DHCR24: variants seen among roughly 807,000 people sequenced by gnomAD.
DHCR24 encodes the protein delta(24)-sterol reductase.
Under a neutral mutation model 61.2 loss-of-function variants are expected in DHCR24, and 28 were observed. The observed-to-expected ratio is 0.46, with a 90% CI of 0.34 to 0.63. The LOEUF is 0.63. DHCR24 is among the 20% of genes least tolerant of loss of function. DHCR24 has a pLI of 0.01. For synonymous variants in DHCR24, 261 were observed against 275.9 expected (o/e 0.95, Z 0.54); for missense variants, 538 against 679.1 (o/e 0.79, Z 2.31).
Position 54,853,541 on chromosome 1 carries a change from C to A in DHCR24, c.1290G>T (p.Glu430Asp). Reference protein sequence around the residue: ...QPGLVHPKGNEAELYIDIGAY... With the variant: ...QPGLVHPKGNDAELYIDIGAY... Reference sequence around the variant, plus strand: ...CTCCAATGTCGATGTAGAGCTCTGCCTCATTTCCTTTGGGGTGCACTAGGC... The same window carrying A: ...CTCCAATGTCGATGTAGAGCTCTGCATCATTTCCTTTGGGGTGCACTAGGC... Residue 430 changes from glutamate (E) to aspartate (D), a missense_variant, in exon 8 of 9, where the codon GAG becomes GAT. By Grantham distance (45) the Glu-to-Asp change is conservative. Transcript: ENST00000371269. 1 of 1,614,178 alleles carries A rather than the reference C, an allele frequency of 6.2e-7. No homozygotes were observed. Among genetic ancestry groups the A allele is most frequent in the Non-Finnish European group, 8.5e-7 (1 of 1,180,016 alleles).
At chr1:54,879,352 A>AAAAAAAAAACAAAAAAAAAAAG (rs573285056) in intron 2 of DHCR24, among the ~76,000 whole-genome samples, 1 of 128,162 alleles carries the variant, frequency 7.8e-6, no homozygotes, top group Non-Finnish European at 1.6e-5. Flanking sequence ...AAAAAAAAAA[A>AAAAAAAAAACAAAAAAAAAAAG]TCCAAATCAA....
intron 2 of DHCR24, among the ~76,000 whole-genome samples, chr1:54,879,211 C>T (rs1267059611): frequency 1.3e-5 from 2 of 151,154 alleles, no homozygotes; most frequent in South Asian, 2.1e-4. Context: ...CCCAGCTACT[C>T]GGGAGGCTGT....
intron 5 of DHCR24, among the ~76,000 whole-genome samples, chr1:54,869,649 C>T (rs761805885): frequency 4.6e-5 from 7 of 152,014 alleles, no homozygotes; most frequent in Non-Finnish European, 8.8e-5. Flanking sequence ...CACCTGTAAT[C>T]CCAGTACTTT....
At position 54,883,617 on chromosome 1, in the gene DHCR24, C is replaced by T. The variant is rs1647076502; in HGVS notation, c.387+1G>A. ...AGAGCCCGGAAAAGTGCTACTCTCA[C>T]CTGTTTCTTGGTGTCCACTTCCAGA... On this transcript the variant is annotated splice_donor_variant, in intron 2 of 8. Transcript: ENST00000371269. LOFTEE classifies it high-confidence loss of function. The surrounding 1 kb of genome is among the most constrained non-coding windows in gnomAD (Gnocchi z 4.3). The T allele has an allele frequency of 1.2e-6, 2 of 1,614,084 alleles. No homozygotes were observed. Among genetic ancestry groups the T allele is most frequent in the African/African-American group, 1.3e-5 (1 of 74,920 alleles).
intron 2 of DHCR24, among the ~76,000 whole-genome samples, chr1:54,879,537 C>T (rs1647054183): frequency 6.6e-6 from 1 of 151,936 alleles, no homozygotes; most frequent in Admixed American, 6.6e-5. Context: ...CCTCAATGAC[C>T]TGAGCTGTAG....
intron 1 of DHCR24, 140 bp downstream of exon 1, chr1:54,886,749 C>T (rs933209787): frequency 6.9e-7 from 1 of 1,443,100 alleles, no homozygotes; most frequent in African/African-American, 1.4e-5. Flanking sequence ...CGTTCCAACC[C>T]CTCTCCAACG....
intron 8 of DHCR24, among the ~76,000 whole-genome samples, chr1:54,852,617 T>C (rs980748137): frequency 1.3e-5 from 2 of 151,998 alleles, no homozygotes; most frequent in African/African-American, 4.8e-5. Flanking sequence ...GAGTCAGGAG[T>C]AGAGCTCAGA....
chr1:54,879,948 AAG>A (rs1327154122), intron 2 of DHCR24, among the ~76,000 whole-genome samples: 1 of 152,196 alleles, frequency 6.6e-6, no homozygotes, highest in Admixed American at 6.5e-5. Context: ...AAACTGGAAA[AAG>A]AGTAAAATTA....
intron 3 of DHCR24, among the ~76,000 whole-genome samples, chr1:54,875,709 G>A (rs1647025104): frequency 2.0e-5 from 3 of 152,166 alleles, no homozygotes; most frequent in African/African-American, 7.2e-5. Flanking sequence ...AAGTCACAGG[G>A]AAGCAGATTC....
intron 6 of DHCR24, among the ~76,000 whole-genome samples, chr1:54,854,454 C>A (rs1646895962): frequency 6.6e-6 from 1 of 152,166 alleles, no homozygotes; most frequent in Non-Finnish European, 1.5e-5. Context: ...TGACCCCGGG[C>A]TAGTTACTTA....
intron 5 of DHCR24, among the ~76,000 whole-genome samples, chr1:54,869,485 C>T (rs1297736633): frequency 6.6e-6 from 1 of 152,088 alleles, no homozygotes; most frequent in Non-Finnish European, 1.5e-5. Context: ...AAGAGCAAAA[C>T]AGTTTATGCA....
chr1:54,857,051 C>T (rs1231696093), intron 6 of DHCR24, among the ~76,000 whole-genome samples: 1 of 152,210 alleles, frequency 6.6e-6, no homozygotes, highest in East Asian at 1.9e-4. Flanking sequence ...TAAAAATAGT[C>T]AACTGGTATC....
rs1647074851 is a variant in DHCR24, at chr1:54,883,417, CCCCTGA to C, written c.387+195_387+200del. ...ACTTCCTGTGGAAACGCAAAGGGTT[CCCCTGA>C]CCTATTATGACCCATCTCTCCCCTG... On this transcript the variant is annotated intron_variant, in intron 2 of 8. Transcript: ENST00000371269. This position sits in a 1 kb window ranked among gnomAD's most constrained non-coding sequence, Gnocchi z 4.3. 6.6e-6 allele frequency among the ~76,000 whole-genome samples: 1 copy of C among 152,154 alleles called. No homozygotes were observed. Among genetic ancestry groups the C allele is most frequent in the East Asian group, 1.9e-4 (1 of 5,192 alleles).
intron 5 of DHCR24, among the ~76,000 whole-genome samples, chr1:54,865,938 G>A (rs1646966018): frequency 2.0e-5 from 3 of 152,206 alleles, no homozygotes; most frequent in Admixed American, 6.5e-5. Flanking sequence ...ACAGTCCTCC[G>A]GGTACAGCAC....
chr1:54,887,050 C>G lies in DHCR24; in HGVS notation c.70G>C (p.Glu24Gln). Residue 24 changes from glutamate to glutamine, a missense_variant, in exon 1 of 9, where the codon GAG becomes CAG. Physicochemically the swap from Glu to Gln is conservative, Grantham distance 29. Transcript: ENST00000371269. ...CAGCGCTGGTGGATGAGCACGAACT[C>G]CAGCCCCTTCAGGCGCACCCACAGC... ...FLLWVRLKGL[E>Q]FVLIHQRWVF... 1 of 1,612,422 alleles carries G rather than the reference C, an allele frequency of 6.2e-7. No individual in the cohort carries two copies. Among genetic ancestry groups the G allele is most frequent in the Non-Finnish European group, 8.5e-7 (1 of 1,179,332 alleles).
chr1:54,858,855 C>CA (rs1347060201), intron 6 of DHCR24, among the ~76,000 whole-genome samples: 25 of 152,108 alleles, frequency 1.6e-4, no homozygotes, highest in African/African-American at 6.0e-4. Context: ...AGGCTGGTCT[C>CA]AAACTCCTGA....
chr1:54,865,833 C>T (rs772187310), intron 5 of DHCR24, among the ~76,000 whole-genome samples: 22 of 151,022 alleles, frequency 1.5e-4, no homozygotes, highest in Non-Finnish European at 2.8e-4. Context: ...CAGGGAAGCA[C>T]GAACTCTGGG....
At chr1:54,877,057 C>A (rs966384664) in intron 2 of DHCR24, among the ~76,000 whole-genome samples, 1 of 151,806 alleles carries the variant, frequency 6.6e-6, no homozygotes, top group African/African-American at 2.4e-5. Flanking sequence ...TTCTGATAAG[C>A]CTTTCCAAAG....
At chr1:54,856,839 A>C (rs2101558067) in intron 6 of DHCR24, among the ~76,000 whole-genome samples, 1 of 152,296 alleles carries the variant, frequency 6.6e-6, no homozygotes, top group South Asian at 2.1e-4. Flanking sequence ...CAGAGCTTGT[A>C]CCATTTTATA....
Sources: allele counts gnomAD v4.1 joint callset (sites outside exome capture counted in the v4.1 genomes callset), GRCh38; gene constraint gnomAD v4.1.1; non-coding constraint Gnocchi (gnomAD v3.1); transcripts MANE v1.5; gene names NCBI Gene and HGNC (gene_info 2026-07-23, HGNC 2026-07-21).